TBC1D31: variants seen among roughly 807,000 people sequenced by gnomAD.
TBC1D31 encodes the protein WD repeat domain 67.
TBC1D31 carries 99 observed loss-of-function variants against 132.9 expected under a neutral mutation model. That is an observed-to-expected ratio of 0.74 (90% CI 0.63 to 0.88). The LOEUF (loss-of-function observed/expected upper bound fraction) is 0.88, where lower values mean the gene tolerates loss of function less well. Among genes scored for constraint, TBC1D31 ranks in the 40% least tolerant of loss-of-function variants. TBC1D31 has a pLI of 0.00. For missense variants in TBC1D31, 1,134 were observed against 1,256.6 expected, an observed-to-expected ratio of 0.90 and a Z score of 1.48; for synonymous variants, 385 against 419.4, an observed-to-expected ratio of 0.92 and a Z score of 1.00.
chr8:123,107,784 C>G (rs544362004), intron 8 of TBC1D31, among the ~76,000 whole-genome samples: 3 of 152,258 alleles, frequency 2.0e-5, no homozygotes, highest in South Asian at 4.1e-4. Context: ...ATAGCCAGTT[C>G]TAAAAAGTAG....
At position 123,105,303 on chromosome 8, in the gene TBC1D31, G is replaced by T; in HGVS notation, c.1048G>T (p.Val350Leu). ...TTCCATTTAGCCACCTCCGCCTTTA[G>T]TGAAAGTTATTGAAGATTTGCCCAA... Reference protein sequence around the residue: ...QEINKPPPPLVKVIEDLPKNK... With the variant: ...QEINKPPPPLLKVIEDLPKNK... The change falls in exon 8 of 22, where the codon GTG (valine) becomes TTG (leucine). Residue 350 changes from valine to leucine, a missense_variant. Transcript: ENST00000287380. 1 of 1,565,692 alleles carries T rather than the reference G, an allele frequency of 6.4e-7. No homozygotes were observed. The highest frequency in any genetic ancestry group is 8.7e-7 in the Non-Finnish European group (1 of 1,155,382).
intron 17 of TBC1D31, among the ~76,000 whole-genome samples, chr8:123,139,970 C>T (rs1821468074): frequency 6.6e-6 from 1 of 152,168 alleles, no homozygotes; most frequent in South Asian, 2.1e-4. Context: ...ACAGGTCAAA[C>T]AGTGACAGTT....
chr8:123,084,401 G>A (rs929321094), intron 4 of TBC1D31, 61 bp downstream of exon 4: 1 of 1,449,900 alleles, frequency 6.9e-7, no homozygotes, highest in East Asian at 2.3e-5. Flanking sequence ...TGGTCAACAG[G>A]ATGTATAGAT....
chr8:123,138,442 G>A (rs77054859), intron 17 of TBC1D31, among the ~76,000 whole-genome samples: 251 of 152,128 alleles, frequency 1.6e-3, no homozygotes, highest in African/African-American at 5.6e-3. Context: ...AAAATCCCTC[G>A]AGAAATAACA....
intron 10 of TBC1D31, among the ~76,000 whole-genome samples, chr8:123,117,690 T>A (rs545801092): frequency 6.9e-6 from 1 of 145,052 alleles, no homozygotes; most frequent in Non-Finnish European, 1.5e-5. Context: ...GAGGCGGAGG[T>A]TGCAGTGAGT....
chr8:123,140,393 A>G (rs1197418129), intron 17 of TBC1D31, among the ~76,000 whole-genome samples: 1 of 152,086 alleles, frequency 6.6e-6, no homozygotes, highest in Non-Finnish European at 1.5e-5. Flanking sequence ...ATAGCTTGGG[A>G]GTGGGGTGGG....
chr8:123,076,642 A>T (rs1255202192), intron 1 of TBC1D31, among the ~76,000 whole-genome samples: 5 of 152,174 alleles, frequency 3.3e-5, no homozygotes. Context: ...CAGGGTATTC[A>T]TGGTAGATAC....
chr8:123,161,288 C>T, the TBC1D31 span, among the ~76,000 whole-genome samples: 1 of 151,874 alleles, frequency 6.6e-6, no homozygotes, highest in Non-Finnish European at 1.5e-5. Flanking sequence ...GGTCGGAGGT[C>T]ACCTACCCCC....
chr8:123,152,000 T>G lies in TBC1D31; in HGVS notation c.*61T>G. The G allele has an allele frequency of 1.5e-6, 2 of 1,326,526 alleles. No individual in the cohort carries two copies. The highest frequency in any genetic ancestry group is 2.0e-6 in the Non-Finnish European group (2 of 1,020,258). The allele number at this position is 1,326,526 out of a possible 1,614,324, so 82.2% of individuals were successfully genotyped here. On this transcript the variant is annotated 3_prime_UTR_variant, in exon 22 of 22. Transcript: ENST00000287380. ...CTATTTTGCAATCAGTGACATTGAT[T>G]TTTAGATTATTTATTTAAAATTCCT...
intron 6 of TBC1D31, 41 bp from the exon 7 acceptor site, chr8:123,100,765 AC>A (rs1817323016): frequency 1.3e-6 from 2 of 1,490,780 alleles, no homozygotes; most frequent in Non-Finnish European, 1.9e-6. Context: ...TCAGACATTG[AC>A]TATCACATGT....
At chr8:123,073,612 T>C (rs1586524084) in intron 1 of TBC1D31, among the ~76,000 whole-genome samples, 1 of 152,220 alleles carries the variant, frequency 6.6e-6, no homozygotes, top group East Asian at 1.9e-4. Context: ...CAGAGTGATC[T>C]TATTGCTCCT....
intron 10 of TBC1D31, among the ~76,000 whole-genome samples, chr8:123,115,160 AC>A (rs1818798452): frequency 6.6e-6 from 1 of 152,206 alleles, no homozygotes; most frequent in Non-Finnish European, 1.5e-5. Context: ...AATTCTGCCA[AC>A]CCTGGGAAAT....
At position 123,124,773 on chromosome 8, in the gene TBC1D31, C is replaced by CA. The variant is rs71310659; in HGVS notation, c.1571-1269dup. On this transcript the variant is annotated intron_variant, in intron 11 of 21. Coordinates refer to ENST00000287380, the MANE Select transcript of TBC1D31 (RefSeq NM_145647.4). ...TGAAACCCTGTCTCTACTGAAAATA[C>CA]AAAAAAAAAAAAAATGAGCTGGGCA... Among the ~76,000 whole-genome samples the CA allele has an allele frequency of 8.5e-3, 1,122 of 131,502 alleles. 13 individuals are homozygous for CA. Among genetic ancestry groups the CA allele is most frequent in the African/African-American group, 0.018 (654 of 35,436 alleles). 86.3% of individuals were successfully genotyped at this position (131,502 alleles called of 152,430 possible).
chr8:123,082,644 C>T, intron 2 of TBC1D31, 58 bp from the exon 3 acceptor site: 1 of 1,273,530 alleles, frequency 7.9e-7, no homozygotes, highest in African/African-American at 1.5e-5. Flanking sequence ...ACTCCTTCCA[C>T]ATGGAATTTG....
intron 10 of TBC1D31, among the ~76,000 whole-genome samples, chr8:123,116,501 G>A (rs573601815): frequency 3.3e-5 from 5 of 152,280 alleles, no homozygotes; most frequent in South Asian, 2.1e-4. Flanking sequence ...GATTGGAATC[G>A]ATAGTGTTAG....
At position 123,113,970 on chromosome 8, in the gene TBC1D31, T is replaced by C. The variant is rs141427986; in HGVS notation, c.1436+4350T>C. Among the ~76,000 whole-genome samples, 4 of 152,288 alleles carry C rather than the reference T, an allele frequency of 2.6e-5. No individual in the cohort carries two copies. The East Asian group carries it at 7.7e-4, about 29-fold the overall frequency. ...AGTCTTGTTTAGACAATTGGGGAAATTTGAGTCTTGCCTGATTATGAAACA... is the reference window on the plus strand; with the variant it reads ...AGTCTTGTTTAGACAATTGGGGAAACTTGAGTCTTGCCTGATTATGAAACA... On this transcript the variant is annotated intron_variant, in intron 10 of 21. Transcript: ENST00000287380.
Position 123,140,772 on chromosome 8 carries a change from AAATC to A in TBC1D31, c.2514_2517del (p.Asn838LysfsTer29). On this transcript the variant is annotated frameshift_variant, in exon 18 of 22. Transcript: ENST00000287380. LOFTEE classifies it high-confidence loss of function. ...AATGATTTTAACAGAATCTTACTGA[AAATC>A]AAGAAGCTCTTGCAAAAGAAATGCG... 1 of 1,601,000 alleles carries A rather than the reference AAATC, an allele frequency of 6.2e-7. No homozygotes were observed. Among genetic ancestry groups the A allele is most frequent in the Middle Eastern group, 1.7e-4 (1 of 6,030 alleles).
At chr8:123,109,002 C>T (rs148840306) in intron 8 of TBC1D31, among the ~76,000 whole-genome samples, 101 of 152,260 alleles carry the variant, frequency 6.6e-4, no homozygotes, top group Middle Eastern at 3.4e-3. Flanking sequence ...TCCTTCAACA[C>T]GTGGGGATTG....
the TBC1D31 span, among the ~76,000 whole-genome samples, chr8:123,159,882 A>T: frequency 1.7e-4 from 26 of 152,032 alleles, no homozygotes; most frequent in South Asian, 4.1e-4. Context: ...GACTCTTTTT[A>T]AAAAAAATAC....
Sources: gnomAD v4.1 joint callset for allele counts (sites outside exome capture counted in the v4.1 genomes callset) on GRCh38, gnomAD v4.1.1 for gene constraint, MANE v1.5 for transcripts, NCBI Gene and HGNC (gene_info 2026-07-23, HGNC 2026-07-21) for gene names.